Variants in KDM4B observed in about 807,000 individuals in gnomAD.
KDM4B encodes the protein lysine-specific demethylase 4B.
In KDM4B, 32 loss-of-function variants were observed where a neutral mutation model predicts 125.2. That is an observed-to-expected ratio of 0.26 (90% CI 0.19 to 0.34). KDM4B has a LOEUF of 0.34. Ranked by LOEUF, KDM4B falls within the 10% of genes least tolerant of loss-of-function variation. KDM4B has a pLI of 1.00. For missense variants in KDM4B, 1,190 were observed against 1,577.7 expected (o/e 0.75, Z 4.16); for synonymous variants, 721 against 677.9 (o/e 1.06, Z -0.99).
At chr19:4,995,366 A>G (rs1568213829) in intron 1 of KDM4B, among the ~76,000 whole-genome samples, 1 of 151,792 alleles carries the variant, frequency 6.6e-6, no homozygotes, top group African/African-American at 2.4e-5. Flanking sequence ...ACAGAGCAAG[A>G]ATCCTGGGTT....
intron 1 of KDM4B, among the ~76,000 whole-genome samples, chr19:4,993,487 T>C (rs2145391160): frequency 6.6e-6 from 1 of 152,332 alleles, no homozygotes; most frequent in South Asian, 2.1e-4. Context: ...ATTTCTGTCA[T>C]TTTTTGCTTC....
chr19:5,132,538 G>C (rs2039576995), intron 13 of KDM4B, among the ~76,000 whole-genome samples: 1 of 152,146 alleles, frequency 6.6e-6, no homozygotes, highest in Admixed American at 6.5e-5. Flanking sequence ...TGCAATTGGA[G>C]GGGTGGGGAG....
At chr19:4,976,607 C>T (rs564291808) in intron 1 of KDM4B, among the ~76,000 whole-genome samples, 3 of 152,266 alleles carry the variant, frequency 2.0e-5, no homozygotes, top group Admixed American at 6.5e-5. Context: ...GAACTCTCCT[C>T]GTTACCAGTG....
chr19:5,026,690 G>T (rs1369549752), intron 2 of KDM4B, among the ~76,000 whole-genome samples: 1 of 152,180 alleles, frequency 6.6e-6, no homozygotes, highest in African/African-American at 2.4e-5. Context: ...GGGTCAGGGT[G>T]GGGTAGGCTG....
At chr19:5,103,966 T>A (rs993812239) in intron 9 of KDM4B, among the ~76,000 whole-genome samples, 1 of 152,250 alleles carries the variant, frequency 6.6e-6, no homozygotes, top group African/African-American at 2.4e-5. Context: ...TCCGAGCTCC[T>A]GAGGCTTGGC....
At chr19:4,977,814 C>T (rs749712654) in intron 1 of KDM4B, among the ~76,000 whole-genome samples, 3 of 152,132 alleles carry the variant, frequency 2.0e-5, no homozygotes, top group African/African-American at 2.4e-5. Flanking sequence ...TGGCCAGCCT[C>T]GGCGCCCTTG....
chr19:5,144,760 C>T, intron 20 of KDM4B, 23 bp from the exon 21 acceptor site: 1 of 1,613,290 alleles, frequency 6.2e-7, no homozygotes, highest in Non-Finnish European at 8.5e-7. Flanking sequence ...CAGGACCTCA[C>T]CTCCCACCTC....
chr19:4,999,777 C>T (rs2035313467), intron 1 of KDM4B, among the ~76,000 whole-genome samples: 1 of 147,254 alleles, frequency 6.8e-6, no homozygotes, highest in Non-Finnish European at 1.5e-5. Context: ...ATCCACCCAC[C>T]CACCCATCTA....
At chr19:5,104,400 C>T (rs1278405550) in intron 9 of KDM4B, among the ~76,000 whole-genome samples, 2 of 152,112 alleles carry the variant, frequency 1.3e-5, no homozygotes, top group Admixed American at 1.3e-4. Context: ...GGAGACGTGA[C>T]TCTTTTTGAG....
At chr19:4,994,424 G>A (rs1295339264) in intron 1 of KDM4B, among the ~76,000 whole-genome samples, 4 of 151,826 alleles carry the variant, frequency 2.6e-5, no homozygotes, top group African/African-American at 4.8e-5. Flanking sequence ...ATACACATGC[G>A]TGGTGGCGCA....
At chr19:5,130,504 G>A (rs768009694) in intron 11 of KDM4B, among the ~76,000 whole-genome samples, 1 of 152,176 alleles carries the variant, frequency 6.6e-6, no homozygotes, top group Non-Finnish European at 1.5e-5. Flanking sequence ...CCCATCTGAC[G>A]CTTCCTGGTT....
intron 6 of KDM4B, among the ~76,000 whole-genome samples, chr19:5,068,494 C>T (rs948442169): frequency 3.3e-5 from 5 of 152,222 alleles, no homozygotes; most frequent in South Asian, 2.1e-4. Context: ...CGGAGCGTGG[C>T]GCCTCCAGCC....
At chr19:5,148,636 C>G (rs1162072609) in intron 21 of KDM4B, among the ~76,000 whole-genome samples, 1 of 152,066 alleles carries the variant, frequency 6.6e-6, no homozygotes, top group African/African-American at 2.4e-5. Context: ...GCTCTAAAAC[C>G]CGCTGCTGCC....
At chr19:5,124,126 G>T (rs1370137208) in intron 11 of KDM4B, among the ~76,000 whole-genome samples, 1 of 152,140 alleles carries the variant, frequency 6.6e-6, no homozygotes, top group Admixed American at 6.5e-5. Flanking sequence ...CAGGAGATGG[G>T]TGAGTTATGG....
chr19:5,050,034 A>G (rs1239467756), intron 6 of KDM4B, among the ~76,000 whole-genome samples: 1 of 152,108 alleles, frequency 6.6e-6, no homozygotes, highest in Non-Finnish European at 1.5e-5. Context: ...TGGGGTAGGT[A>G]GGGCTCCCAG....
intron 2 of KDM4B, among the ~76,000 whole-genome samples, chr19:5,017,194 C>T (rs1161996910): frequency 6.6e-6 from 1 of 152,122 alleles, no homozygotes; most frequent in Admixed American, 6.5e-5. Flanking sequence ...TTTGTGGGTG[C>T]CTTTTCTGTT....
intron 9 of KDM4B, among the ~76,000 whole-genome samples, chr19:5,097,724 G>A (rs1296286555): frequency 1.3e-5 from 2 of 152,252 alleles, no homozygotes; most frequent in South Asian, 2.1e-4. Flanking sequence ...CAGAGAGCGC[G>A]TTGGCCACCT....
At chr19:5,146,987 TG>T (rs1271307125) in intron 21 of KDM4B, among the ~76,000 whole-genome samples, 1 of 148,274 alleles carries the variant, frequency 6.7e-6, no homozygotes, top group East Asian at 2.0e-4. Context: ...GGAAGCATTC[TG>T]GTGCATCTAG....
chr19:5,008,179 T>G (rs1482995986), intron 1 of KDM4B, among the ~76,000 whole-genome samples: 11 of 152,240 alleles, frequency 7.2e-5, no homozygotes, highest in Non-Finnish European at 2.9e-5. Flanking sequence ...TATTTGGAAT[T>G]AGTATAAATA....
Sources: gnomAD v4.1 joint callset for allele counts (sites outside exome capture counted in the v4.1 genomes callset) on GRCh38, gnomAD v4.1.1 for gene constraint, MANE v1.5 for transcripts, NCBI Gene and HGNC (gene_info 2026-07-23, HGNC 2026-07-21) for gene names.